SYNE1: variants seen among roughly 807,000 people sequenced by gnomAD.
SYNE1 encodes spectrin repeat containing nuclear envelope protein 1, also known as nesprin-1.
SYNE1 carries 616 observed loss-of-function variants against 1,111.0 expected under a neutral mutation model. That is an observed-to-expected ratio of 0.55 (90% CI 0.52 to 0.59). The LOEUF (loss-of-function observed/expected upper bound fraction) is 0.59. SYNE1 is among the 20% of genes least tolerant of loss of function. The probability of loss-of-function intolerance (pLI) is 0.00; values close to 1 mark genes in which losing one functional copy is unlikely to be tolerated. For synonymous variants in SYNE1, 3,855 were observed against 3,825.8 expected, an observed-to-expected ratio of 1.01 and a Z score of -0.28; for missense variants, 10,006 against 10,417.0, an observed-to-expected ratio of 0.96 and a Z score of 1.72.
intron 11 of SYNE1, among the ~76,000 whole-genome samples, chr6:152,492,302 C>T (rs896835969): frequency 3.9e-5 from 6 of 152,192 alleles, no homozygotes; most frequent in African/African-American, 1.2e-4. Flanking sequence ...TAATCAATCT[C>T]GCCTTCAAGG....
chr6:152,228,407 A>G (rs2082065238), intron 115 of SYNE1, among the ~76,000 whole-genome samples: 2 of 151,782 alleles, frequency 1.3e-5, no homozygotes, highest in Non-Finnish European at 2.9e-5. Flanking sequence ...TTGGTAAAAC[A>G]TGGTCAAGCT....
At chr6:152,285,586 A>C (rs1161387842) in intron 95 of SYNE1, among the ~76,000 whole-genome samples, 4 of 151,778 alleles carry the variant, frequency 2.6e-5, no homozygotes, top group African/African-American at 9.7e-5. Context: ...TTCTTCAGCC[A>C]CTCCAGGGCC....
intron 141 of SYNE1, among the ~76,000 whole-genome samples, chr6:152,135,540 C>T (rs2056868623): frequency 1.3e-5 from 2 of 152,248 alleles, no homozygotes; most frequent in Non-Finnish European, 1.5e-5. Flanking sequence ...GCTGCCCTCT[C>T]TTCTCTGTGT....
intron 99 of SYNE1, 75 bp from the exon 100 acceptor site, chr6:152,268,240 T>C (rs1589077100): frequency 8.0e-7 from 1 of 1,246,252 alleles, no homozygotes; most frequent in East Asian, 2.3e-5. Context: ...GTTCTAGCTA[T>C]AAAATTCTCA....
At chr6:152,375,582 TAA>T (rs370869821) in intron 58 of SYNE1, among the ~76,000 whole-genome samples, 23 of 151,222 alleles carry the variant, frequency 1.5e-4, no homozygotes, top group African/African-American at 5.6e-4. Flanking sequence ...ACAGTTAGGT[TAA>T]AAAAAAAGAC....
chr6:152,552,721 T>C (rs1463685108), intron 3 of SYNE1, among the ~76,000 whole-genome samples: 2 of 152,154 alleles, frequency 1.3e-5, no homozygotes, highest in East Asian at 1.9e-4. Context: ...ACCCCCACCA[T>C]GTAATTCAAT....
At position 152,409,091 on chromosome 6, in the gene SYNE1, T is replaced by C. The variant is rs1028554157; in HGVS notation, c.6517A>G (p.Ser2173Gly). Reference sequence around the variant, plus strand: ...ACATCCAGCCATTTGTCCACGGTGCTCTCCATGTCTGTTTTCACCAAGCTG... The same window carrying C: ...ACATCCAGCCATTTGTCCACGGTGCCCTCCATGTCTGTTTTCACCAAGCTG... ...DFSLVKTDME[S>G]TVDKWLDVSE... is the part of the protein sequence containing the mutation. Residue 2173 changes from serine to glycine, a missense_variant, in exon 44 of 146, where the codon AGC becomes GGC. This residue lies in a region of SYNE1 where 4,955 missense variants were observed against 5,017.2 expected (regional missense o/e 0.99). Coordinates refer to ENST00000367255, the MANE Select transcript of SYNE1 (RefSeq NM_182961.4). 2.5e-6 allele frequency: 4 copies of C among 1,614,056 alleles called. No individual in the cohort carries two copies. The highest frequency in any genetic ancestry group is 1.7e-5 in the Admixed American group (1 of 59,998).
chr6:152,416,572 G>T lies in SYNE1; in HGVS notation c.5865C>A (p.Leu1955=). The T allele has an allele frequency of 1.9e-6, 3 of 1,614,006 alleles. No homozygotes were observed. The South Asian group carries it at 3.3e-5, about 18-fold the overall frequency. ...RTSCRATADQ[L]CGEVERIQNL... is the part of the protein sequence containing the mutation. The stretch of plus-strand genomic sequence containing the variant: ...TCTGGATCCTCTCTACCTCTCCACA[G>T]AGCTGATCAGCCGTGGCTCTGCAGG... Residue 1955 remains leucine (L), a synonymous_variant, in exon 41 of 146, where the codon CTC becomes CTA. Transcript: ENST00000367255.
At chr6:152,323,326 T>A in intron 82 of SYNE1, 152 bp downstream of exon 82, 1 of 1,198,514 alleles carries the variant, frequency 8.3e-7, no homozygotes, top group African/African-American at 1.5e-5. Context: ...TAGTCCCAGC[T>A]ACTCAGAGAG....
chr6:152,173,859 A>G (rs2065780590), intron 130 of SYNE1, among the ~76,000 whole-genome samples: 1 of 152,246 alleles, frequency 6.6e-6, no homozygotes, highest in Non-Finnish European at 1.5e-5. Flanking sequence ...TACCTTATAA[A>G]CATGTAATTG....
intron 17 of SYNE1, 116 bp downstream of exon 17, chr6:152,465,866 T>C: frequency 1.3e-6 from 1 of 766,364 alleles, no homozygotes; most frequent in Non-Finnish European, 2.3e-6. Context: ...TCCTGGCCAA[T>C]GGCAAGGTCA....
intron 142 of SYNE1, chr6:152,133,713 T>C: frequency 1.7e-6 from 1 of 585,512 alleles, no homozygotes; most frequent in Non-Finnish European, 3.0e-6. Context: ...TCAGTTTGAT[T>C]TGATGCCTGG....
At chr6:152,460,781 G>C (rs1215680112) in intron 21 of SYNE1, among the ~76,000 whole-genome samples, 1 of 114,110 alleles carries the variant, frequency 8.8e-6, no homozygotes, top group African/African-American at 3.6e-5. Flanking sequence ...GTACAGAAAA[G>C]GTATAAATGT....
At position 152,450,725 on chromosome 6, in the gene SYNE1, C is replaced by T; in HGVS notation, c.3295G>A (p.Gly1099Arg). 1 of 1,614,152 alleles carries T rather than the reference C, an allele frequency of 6.2e-7. No individual in the cohort carries two copies. The highest frequency in any genetic ancestry group is 8.5e-7 in the Non-Finnish European group (1 of 1,180,034). ...PVRDPVRDTP[G>R]TCHVTLKELR... ...TCTTTGAGAGTCACGTGACAGGTTC[C>T]AGGTGTGTCCCTTACTGGGTCCCGC... The change falls in exon 27 of 146, where the codon GGA becomes AGA. Residue 1099 changes from glycine (G) to arginine (R), a missense_variant. This residue lies in a region of SYNE1 where 1,971 missense variants were observed against 2,084.1 expected (regional missense o/e 0.95). Transcript: ENST00000367255.
rs185350092 is a variant in SYNE1 at position 152,368,967 on chromosome 6, G to A, written c.9807+5C>T. ...CACTCACACACAGCACGTGCCAGGC[G>A]TTACCTTTGTTAAATTGCTTAGCGC... is the stretch of plus-strand genomic sequence containing the variant. On this transcript the variant is annotated splice_donor_5th_base_variant and intron_variant, in intron 61 of 145. Coordinates refer to ENST00000367255, the MANE Select transcript of SYNE1 (RefSeq NM_182961.4). The A allele has an allele frequency of 1.3e-4, 202 of 1,614,134 alleles. No homozygotes were observed. In the East Asian group the frequency reaches 2.7e-3, roughly 22 times the overall value.
At chr6:152,363,987 T>C (rs1769651056) in intron 63 of SYNE1, among the ~76,000 whole-genome samples, 1 of 152,116 alleles carries the variant, frequency 6.6e-6, no homozygotes, top group Non-Finnish European at 1.5e-5. Flanking sequence ...CACCCAAATA[T>C]CATCTTGAAT....
intron 128 of SYNE1, among the ~76,000 whole-genome samples, chr6:152,183,110 A>G (rs776151087): frequency 1.3e-5 from 2 of 152,188 alleles, no homozygotes; most frequent in African/African-American, 4.8e-5. Flanking sequence ...TAATCCTTCC[A>G]GGACCCCTTA....
At chr6:152,346,719 A>G in intron 73 of SYNE1, among the ~76,000 whole-genome samples, 1 of 152,028 alleles carries the variant, frequency 6.6e-6, no homozygotes, top group Non-Finnish European at 1.5e-5. Context: ...CTGAAGTAGG[A>G]GAATGGCGTG....
At chr6:152,225,665 T>G in intron 116 of SYNE1, 56 bp downstream of exon 116, 1 of 1,610,870 alleles carries the variant, frequency 6.2e-7, no homozygotes, top group South Asian at 1.1e-5. Flanking sequence ...AAACCCAGAG[T>G]TTGGACAGAG....
Sources: allele counts gnomAD v4.1 joint callset (sites outside exome capture counted in the v4.1 genomes callset), GRCh38; gene constraint gnomAD v4.1.1; regional missense constraint gnomAD v4.1.1; transcripts MANE v1.5; gene names NCBI Gene and HGNC (gene_info 2026-07-23, HGNC 2026-07-21).